Variants in MAP2K4 observed in about 807,000 individuals in gnomAD.
The protein encoded by MAP2K4 is dual specificity mitogen-activated protein kinase kinase 4.
A neutral mutation model predicts 48.5 loss-of-function variants in MAP2K4; 4 were observed. That is an observed-to-expected ratio of 0.08 (90% CI 0.04 to 0.19). MAP2K4 has a LOEUF of 0.19. MAP2K4 is among the 10% of genes least tolerant of loss of function. The probability of loss-of-function intolerance (pLI) is 1.00; values close to 1 mark genes in which losing one functional copy is unlikely to be tolerated. For synonymous variants in MAP2K4, 166 were observed against 173.1 expected, an observed-to-expected ratio of 0.96 and a Z score of 0.32; for missense variants, 258 against 493.3, an observed-to-expected ratio of 0.52 and a Z score of 4.52.
At chr17:12,101,158 A>C (rs1424126827) in intron 4 of MAP2K4, among the ~76,000 whole-genome samples, 1 of 152,132 alleles carries the variant, frequency 6.6e-6, no homozygotes, top group Non-Finnish European at 1.5e-5. Context: ...ATTATCTCTT[A>C]TGTATTCTCC....
chr17:12,127,106 G>C (rs1972879251), intron 8 of MAP2K4, among the ~76,000 whole-genome samples: 1 of 152,160 alleles, frequency 6.6e-6, no homozygotes, highest in Admixed American at 6.5e-5. Flanking sequence ...AGTTATTCTT[G>C]ATGAATCATA....
At chr17:12,068,329 A>T (rs928173679) in intron 2 of MAP2K4, among the ~76,000 whole-genome samples, 1 of 152,226 alleles carries the variant, frequency 6.6e-6, no homozygotes, top group Non-Finnish European at 1.5e-5. Context: ...CTGATTATTT[A>T]CAGTCTAAAG....
In MAP2K4 at chr17:12,081,958, C is replaced by T. The variant is rs572154384; in HGVS notation, c.393+428C>T. 7.1e-5 allele frequency: 38 copies of T among 533,652 alleles called. 1 individual carries two copies. Among genetic ancestry groups the T allele is most frequent in the South Asian group, 4.8e-4 (34 of 70,928 alleles). 33.1% of individuals were successfully genotyped at this position (533,652 alleles called of 1,614,324 possible). ...CTTACTGAAGGTTTCCTGGAAACCA[C>T]GCACATGCTGTTGCCACTAACCTCA... On this transcript the variant is annotated intron_variant, in intron 3 of 10. Transcript: ENST00000353533. This position sits in a 1 kb window ranked among gnomAD's most constrained non-coding sequence, Gnocchi z 4.2.
intron 3 of MAP2K4, among the ~76,000 whole-genome samples, chr17:12,092,400 T>C (rs1044601314): frequency 2.0e-5 from 3 of 152,212 alleles, no homozygotes; most frequent in African/African-American, 7.2e-5. Context: ...TTTTAGGTAG[T>C]TATGCTCCTT....
At chr17:12,064,222 A>C (rs2151533521) in intron 2 of MAP2K4, among the ~76,000 whole-genome samples, 1 of 152,268 alleles carries the variant, frequency 6.6e-6, no homozygotes, top group Non-Finnish European at 1.5e-5. Context: ...ACCTGGGACT[A>C]CAGGCACATT....
At position 12,107,858 on chromosome 17, in the gene MAP2K4, T is replaced by G; in HGVS notation, c.582T>G (p.Ser194Arg). The G allele has an allele frequency of 6.2e-7, 1 of 1,604,280 alleles. No homozygotes were observed. Among genetic ancestry groups the G allele is most frequent in the Non-Finnish European group, 8.5e-7 (1 of 1,175,292 alleles). The change falls in exon 5 of 11, where the codon AGT (serine) becomes AGG (arginine). Residue 194 changes from serine (S) to arginine (R), a missense_variant. Ser to Arg is a moderately radical substitution (Grantham distance 110, BLOSUM62 -1). This residue lies in a region of MAP2K4 where 132 missense variants were observed against 352.8 expected (regional missense o/e 0.37). Transcript: ENST00000353533. ...SFDKFYKYVY[S>R]VLDDVIPEEI... is the part of the protein sequence containing the mutation. ...ATAAGTTTTACAAATATGTATATAG[T>G]GTATTAGATGATGTTATTCCAGAAG...
chr17:12,021,041 G>A, intron 1 of MAP2K4, 40 bp downstream of exon 1: 1 of 1,145,392 alleles, frequency 8.7e-7, no homozygotes, highest in South Asian at 4.4e-5. Context: ...GCCCCCTAGC[G>A]CGGCAACCCG....
chr17:12,128,373 G>A (rs1244815337), intron 8 of MAP2K4, among the ~76,000 whole-genome samples: 2 of 152,200 alleles, frequency 1.3e-5, no homozygotes, highest in African/African-American at 4.8e-5. Context: ...CACTGTGCCC[G>A]GCCTAATTGG....
intron 6 of MAP2K4, 152 bp from the exon 7 acceptor site, chr17:12,113,081 A>G (rs997467258): frequency 5.5e-6 from 3 of 549,336 alleles, no homozygotes; most frequent in Non-Finnish European, 9.7e-6. Context: ...ATTGTATGTG[A>G]TAAATGAAGA....
At chr17:12,138,888 A>T (rs1973291032) in intron 9 of MAP2K4, among the ~76,000 whole-genome samples, 1 of 152,148 alleles carries the variant, frequency 6.6e-6, no homozygotes, top group Admixed American at 6.5e-5. Flanking sequence ...TGGATCAGTC[A>T]TTAGAGATGG....
chr17:12,089,684 T>C (rs542932094), intron 3 of MAP2K4, among the ~76,000 whole-genome samples: 11 of 152,300 alleles, frequency 7.2e-5, no homozygotes, highest in Admixed American at 3.3e-4. Context: ...CTTTTTATAC[T>C]GCCCTCTCGG....
chr17:12,033,147 G>A (rs1009734622), intron 1 of MAP2K4, among the ~76,000 whole-genome samples: 8 of 152,076 alleles, frequency 5.3e-5, no homozygotes, highest in African/African-American at 1.7e-4. Flanking sequence ...AAAAAAAAAT[G>A]CATTTAAGCT....
intron 1 of MAP2K4, among the ~76,000 whole-genome samples, chr17:12,034,416 G>T (rs1249795399): frequency 1.3e-5 from 2 of 152,188 alleles, no homozygotes; most frequent in South Asian, 2.1e-4. Flanking sequence ...CACCTTGATT[G>T]CCCTCACTGT....
intron 3 of MAP2K4, among the ~76,000 whole-genome samples, chr17:12,088,203 T>C (rs2151554573): frequency 6.6e-6 from 1 of 152,052 alleles, no homozygotes. Flanking sequence ...TCTCCTATCC[T>C]CTACATCACT....
intron 1 of MAP2K4, among the ~76,000 whole-genome samples, chr17:12,037,117 G>C (rs73977810): frequency 6.6e-6 from 1 of 152,140 alleles, no homozygotes; most frequent in African/African-American, 2.4e-5. Flanking sequence ...CTATTATTCT[G>C]GATGCTACGA....
chr17:12,053,689 G>A (rs1445713878), intron 1 of MAP2K4, among the ~76,000 whole-genome samples: 3 of 151,764 alleles, frequency 2.0e-5, no homozygotes, highest in Non-Finnish European at 4.4e-5. Context: ...TTTGGTCTTC[G>A]TGGGAATTCA....
chr17:12,108,043 A>G, intron 5 of MAP2K4, 134 bp downstream of exon 5: 1 of 782,090 alleles, frequency 1.3e-6, no homozygotes, highest in Non-Finnish European at 1.9e-6. Flanking sequence ...AACCAGAGAC[A>G]AAGTCACTTC....
chr17:12,055,405 A>G (rs566740873), intron 2 of MAP2K4, among the ~76,000 whole-genome samples: 11 of 152,198 alleles, frequency 7.2e-5, no homozygotes, highest in African/African-American at 2.6e-4. Context: ...ATAAAGCAAT[A>G]CCTTCAGAAC....
At chr17:12,024,887 G>A (rs1394579160) in intron 1 of MAP2K4, among the ~76,000 whole-genome samples, 1 of 152,132 alleles carries the variant, frequency 6.6e-6, no homozygotes, top group Admixed American at 6.5e-5. Context: ...CTTTAGCTGG[G>A]TTAGTGTGAA....
Sources: allele counts gnomAD v4.1 joint callset (sites outside exome capture counted in the v4.1 genomes callset), GRCh38; gene constraint gnomAD v4.1.1; regional missense constraint gnomAD v4.1.1; non-coding constraint Gnocchi (gnomAD v3.1); transcripts MANE v1.5; gene names NCBI Gene and HGNC (gene_info 2026-07-23, HGNC 2026-07-21).